CNTN5: variants seen among roughly 807,000 people sequenced by gnomAD.
CNTN5 encodes the protein contactin-5.
A neutral mutation model predicts 129.1 loss-of-function variants in CNTN5; 77 were observed. That is an observed-to-expected ratio of 0.60 (90% CI 0.50 to 0.72). The LOEUF (loss-of-function observed/expected upper bound fraction) is 0.72, where lower values mean the gene tolerates loss of function less well. CNTN5 is among the 30% of genes least tolerant of loss of function. The probability of loss-of-function intolerance (pLI) is 0.00; values close to 1 mark genes in which losing one functional copy is unlikely to be tolerated. For missense variants in CNTN5, 1,478 were observed against 1,328.8 expected (o/e 1.11, Z -1.75); for synonymous variants, 509 against 465.6 (o/e 1.09, Z -1.20).
chr11:99,928,539 G>T (rs1950115783), intron 7 of CNTN5, among the ~76,000 whole-genome samples: 1 of 152,322 alleles, frequency 6.6e-6, no homozygotes, highest in South Asian at 2.1e-4. Flanking sequence ...CCACATGGAA[G>T]ATGCCAAAGT....
chr11:99,492,960 C>T (rs547898462), intron 2 of CNTN5, among the ~76,000 whole-genome samples: 1 of 152,138 alleles, frequency 6.6e-6, no homozygotes, highest in African/African-American at 2.4e-5. Context: ...CAGGAAAAGT[C>T]CCTCTGGAAT....
chr11:99,967,982 C>A (rs779225220), intron 8 of CNTN5, among the ~76,000 whole-genome samples: 3 of 152,164 alleles, frequency 2.0e-5, no homozygotes, highest in African/African-American at 7.2e-5. Context: ...TAAATGCCAA[C>A]AAATATTAAC....
chr11:100,356,054 A>G, intron 24 of CNTN5, 63 bp from the exon 25 acceptor site: 10 of 1,105,426 alleles, frequency 9.0e-6, no homozygotes, highest in East Asian at 2.5e-5. Context: ...ACTAAAAACA[A>G]TTCTGTCCTA....
intron 3 of CNTN5, among the ~76,000 whole-genome samples, chr11:99,678,054 T>A (rs1953372578): frequency 6.6e-6 from 1 of 152,130 alleles, no homozygotes. Flanking sequence ...TTTTTGATAC[T>A]TATATGTTTT....
intron 1 of CNTN5, among the ~76,000 whole-genome samples, chr11:99,164,491 A>G (rs907130377): frequency 6.6e-6 from 1 of 152,124 alleles, no homozygotes; most frequent in African/African-American, 2.4e-5. Flanking sequence ...TGAACATTCA[A>G]TTAATTGGTG....
intron 21 of CNTN5, chr11:100,308,998 A>G: frequency 2.0e-6 from 2 of 984,810 alleles, no homozygotes; most frequent in South Asian, 4.7e-5. Context: ...TTCATATCAA[A>G]TGAATAACAT....
chr11:100,238,130 C>A (rs1438105838), intron 16 of CNTN5, among the ~76,000 whole-genome samples: 1 of 152,126 alleles, frequency 6.6e-6, no homozygotes, highest in Non-Finnish European at 1.5e-5. Context: ...CTGCTTGTAT[C>A]TTTGCTGCAA....
At chr11:100,149,065 A>AAAGTT (rs1177601223) in intron 13 of CNTN5, among the ~76,000 whole-genome samples, 1 of 152,190 alleles carries the variant, frequency 6.6e-6, no homozygotes, top group East Asian at 1.9e-4. Flanking sequence ...CGTTTTTTCA[A>AAAGTT]AAGTTAATAG....
intron 13 of CNTN5, among the ~76,000 whole-genome samples, chr11:100,111,972 A>C (rs1945672107): frequency 6.6e-6 from 1 of 152,202 alleles, no homozygotes; most frequent in South Asian, 2.1e-4. Context: ...GTATAGGAAA[A>C]TATTTTTTAA....
At chr11:99,300,942 TA>T (rs1441732220) in intron 1 of CNTN5, among the ~76,000 whole-genome samples, 1 of 151,846 alleles carries the variant, frequency 6.6e-6, no homozygotes, top group African/African-American at 2.4e-5. Flanking sequence ...TTATAATATA[TA>T]AAAATATAAT....
intron 3 of CNTN5, among the ~76,000 whole-genome samples, chr11:99,598,958 TTAA>T (rs1275538843): frequency 6.6e-6 from 1 of 152,170 alleles, no homozygotes; most frequent in African/African-American, 2.4e-5. Context: ...ATATATGTCT[TTAA>T]TAATGTCTTT....
At chr11:99,744,140 A>T (rs996226976) in intron 3 of CNTN5, among the ~76,000 whole-genome samples, 6 of 152,290 alleles carry the variant, frequency 3.9e-5, no homozygotes, top group African/African-American at 1.4e-4. Flanking sequence ...TCACCAGAAT[A>T]GTGCTTCCAG....
At chr11:99,547,770 T>C (rs1384885660) in intron 2 of CNTN5, among the ~76,000 whole-genome samples, 1 of 152,198 alleles carries the variant, frequency 6.6e-6, no homozygotes, top group Non-Finnish European at 1.5e-5. Flanking sequence ...CTAAAGGATA[T>C]GATTATTATT....
At chr11:99,409,531 C>G (rs1400164022) in intron 2 of CNTN5, among the ~76,000 whole-genome samples, 1 of 152,148 alleles carries the variant, frequency 6.6e-6, no homozygotes. Flanking sequence ...TGATACAAAA[C>G]TTTTTGAGAG....
chr11:99,466,731 A>T (rs1395314852), intron 2 of CNTN5, among the ~76,000 whole-genome samples: 1 of 152,172 alleles, frequency 6.6e-6, no homozygotes, highest in African/African-American at 2.4e-5. Context: ...AGCTCCCCCT[A>T]TCTATGACAC....
At chr11:99,974,981 T>G (rs554589492) in intron 8 of CNTN5, among the ~76,000 whole-genome samples, 113 of 152,342 alleles carry the variant, frequency 7.4e-4, no homozygotes, top group Non-Finnish European at 1.3e-3. Context: ...AACATCATGG[T>G]GATCAAATAA....
At chr11:99,056,506 A>T (rs565080467) in intron 1 of CNTN5, among the ~76,000 whole-genome samples, 1 of 152,152 alleles carries the variant, frequency 6.6e-6, no homozygotes, top group East Asian at 1.9e-4. Context: ...GATGCTGGAT[A>T]CTGATGCTAC....
chr11:99,732,237 T>C (rs1281618800), intron 3 of CNTN5, among the ~76,000 whole-genome samples: 1 of 151,534 alleles, frequency 6.6e-6, no homozygotes, highest in Non-Finnish European at 1.5e-5. Context: ...TGAGGTTGTT[T>C]TAAAGAATTA....
At chr11:99,991,321 G>T (rs560441445) in intron 8 of CNTN5, among the ~76,000 whole-genome samples, 1 of 145,186 alleles carries the variant, frequency 6.9e-6, no homozygotes, top group East Asian at 2.0e-4. Context: ...CAAAAAATTA[G>T]CCAGGCGTGG....
Sources: allele counts gnomAD v4.1 joint callset (sites outside exome capture counted in the v4.1 genomes callset), GRCh38; gene constraint gnomAD v4.1.1; transcripts MANE v1.5; gene names NCBI Gene and HGNC (gene_info 2026-07-23, HGNC 2026-07-21).